Variants in ZNF638 observed in about 807,000 individuals in gnomAD.
The protein encoded by ZNF638 is CTCL tumor antigen se33-1.
A neutral mutation model predicts 195.6 loss-of-function variants in ZNF638; 46 were observed. That is an observed-to-expected ratio of 0.24 (90% CI 0.19 to 0.30). The LOEUF is 0.30. Among genes scored for constraint, ZNF638 ranks in the 10% least tolerant of loss-of-function variants. ZNF638 has a pLI of 1.00. For synonymous variants in ZNF638, 845 were observed against 772.0 expected (o/e 1.09, Z -1.57); for missense variants, 2,440 against 2,325.3 (o/e 1.05, Z -1.01).
intron 10 of ZNF638, among the ~76,000 whole-genome samples, chr2:71,384,752 T>C (rs2079604412): frequency 6.6e-6 from 1 of 152,212 alleles, no homozygotes; most frequent in Non-Finnish European, 1.5e-5. Context: ...TCTTTTTACC[T>C]TTTCAGTTCC....
intron 10 of ZNF638, among the ~76,000 whole-genome samples, chr2:71,388,232 T>A (rs2079685138): frequency 6.6e-6 from 1 of 152,200 alleles, no homozygotes. Flanking sequence ...ACCCTGAGGC[T>A]AAGGGCAAGT....
At chr2:71,383,125 C>G (rs1167984414) in intron 10 of ZNF638, among the ~76,000 whole-genome samples, 1 of 152,110 alleles carries the variant, frequency 6.6e-6, no homozygotes, top group Non-Finnish European at 1.5e-5. Context: ...GAGTTCAAGA[C>G]CAGCCTGGCC....
chr2:71,360,799 CTTAATAG>C (rs1218440978), intron 3 of ZNF638, among the ~76,000 whole-genome samples: 2 of 152,174 alleles, frequency 1.3e-5, no homozygotes, highest in African/African-American at 4.8e-5. Flanking sequence ...GGTCCTTGCT[CTTAATAG>C]TTAATGTTAT....
intron 10 of ZNF638, among the ~76,000 whole-genome samples, chr2:71,384,463 A>G (rs910813840): frequency 1.2e-4 from 19 of 152,162 alleles, no homozygotes; most frequent in Admixed American, 3.3e-4. Context: ...AGTCACTCAG[A>G]ATAGTTTATT....
At chr2:71,383,744 CTT>C (rs911748490) in intron 10 of ZNF638, among the ~76,000 whole-genome samples, 1 of 92,534 alleles carries the variant, frequency 1.1e-5, no homozygotes, top group African/African-American at 4.5e-5. Flanking sequence ...GCTAATTTTT[CTT>C]TTTTTTTTTC....
intron 16 of ZNF638, among the ~76,000 whole-genome samples, 171 bp downstream of exon 16, chr2:71,402,258 G>A (rs1237465236): frequency 6.6e-6 from 1 of 152,092 alleles, no homozygotes; most frequent in African/African-American, 2.4e-5. Context: ...TAGTATTGTT[G>A]TAACGAGACA....
chr2:71,348,423 C>T, intron 1 of ZNF638: 1 of 996,426 alleles, frequency 1.0e-6, no homozygotes, highest in Non-Finnish European at 1.2e-6. Context: ...TTTTTTTTCC[C>T]CAGTATTACA....
At position 71,349,012 on chromosome 2, in the gene ZNF638, C is replaced by G. The variant is rs1166832544; in HGVS notation, c.58C>G (p.Pro20Ala). The part of the protein sequence containing the change: ...GDFPLQRPRA[P>A]NPSGMRPPGP... Reference sequence around the variant, plus strand: ...CTTTCCACTTCAAAGGCCACGAGCACCTAACCCTTCTGGGATGAGGCCTCC... The same window carrying G: ...CTTTCCACTTCAAAGGCCACGAGCAGCTAACCCTTCTGGGATGAGGCCTCC... Residue 20 changes from proline (P) to alanine (A), a missense_variant, in exon 2 of 28, where the codon CCT becomes GCT. Around this residue, in one of 5 missense-constraint regions of ZNF638, gnomAD observed 191 missense variants for 173.8 expected, o/e 1.10. Coordinates refer to ENST00000264447, the MANE Select transcript of ZNF638 (RefSeq NM_014497.5). 1 of 1,614,052 alleles carries G rather than the reference C, an allele frequency of 6.2e-7. No homozygotes were observed. Among genetic ancestry groups the G allele is most frequent in the African/African-American group, 1.3e-5 (1 of 74,914 alleles).
intron 3 of ZNF638, among the ~76,000 whole-genome samples, chr2:71,361,256 A>G (rs1323795425): frequency 6.6e-6 from 1 of 152,202 alleles, no homozygotes; most frequent in Non-Finnish European, 1.5e-5. Flanking sequence ...CTCCACCATT[A>G]TTACCAGCTC....
At chr2:71,396,633 A>T (rs1413911737) in intron 11 of ZNF638, among the ~76,000 whole-genome samples, 1 of 152,092 alleles carries the variant, frequency 6.6e-6, no homozygotes, top group African/African-American at 2.4e-5. Context: ...CTTTAAGTGG[A>T]TAGAAATCAA....
Position 71,426,983 on chromosome 2 carries a change from T to C in ZNF638, c.5114T>C (p.Leu1705Ser), listed in dbSNP as rs373579615. 6.2e-7 allele frequency: 1 copy of C among 1,612,196 alleles called. No homozygotes were observed. The highest frequency in any genetic ancestry group is 8.5e-7 in the Non-Finnish European group (1 of 1,179,344). The change falls in exon 24 of 28, where the codon TTA becomes TCA. Residue 1705 changes from leucine to serine, a missense_variant. Leu to Ser is a moderately radical substitution (Grantham distance 145). Transcript: ENST00000264447. ...TCAGCAGACATAACTTTTGCCACTT[T>C]AAATACTAAAGGAAATGAAGGAGAT... The part of the protein sequence containing the change: ...NESADITFAT[L>S]NTKGNEGDTV...
At chr2:71,405,476 T>TAA in intron 17 of ZNF638, 125 bp from the exon 18 acceptor site, 1 of 618,096 alleles carries the variant, frequency 1.6e-6, no homozygotes, top group Non-Finnish European at 2.8e-6. Flanking sequence ...TTGCTGCTTC[T>TAA]TAATTTTATA....
intron 15 of ZNF638, among the ~76,000 whole-genome samples, chr2:71,400,805 A>G (rs1295124866): frequency 2.0e-5 from 3 of 152,184 alleles, no homozygotes; most frequent in East Asian, 3.8e-4. Flanking sequence ...TTTTGGGTAG[A>G]CAGTAGTTGG....
intron 10 of ZNF638, among the ~76,000 whole-genome samples, chr2:71,393,010 A>G (rs944234281): frequency 6.6e-6 from 1 of 152,224 alleles, no homozygotes; most frequent in Non-Finnish European, 1.5e-5. Flanking sequence ...CACAAAAATT[A>G]AAACTGATAA....
intron 1 of ZNF638, among the ~76,000 whole-genome samples, chr2:71,345,881 C>G (rs1321634736): frequency 2.0e-5 from 3 of 152,196 alleles, no homozygotes; most frequent in African/African-American, 7.2e-5. Flanking sequence ...TTCAAACTTT[C>G]TTGGCCAGGC....
chr2:71,373,058 C>T lies in ZNF638; in HGVS notation c.2265+3053C>T, dbSNP rs371250538. On this transcript the variant is annotated intron_variant, in intron 8 of 27. Coordinates refer to ENST00000264447, the MANE Select transcript of ZNF638 (RefSeq NM_014497.5). Reference sequence around the variant, plus strand: ...AATGGAATGGTTGGTTTATAGGATGCACAGTAATGGATAATATAAGATTGC... The same window carrying T: ...AATGGAATGGTTGGTTTATAGGATGTACAGTAATGGATAATATAAGATTGC... Among the ~76,000 whole-genome samples, 6 of 152,066 alleles carry T rather than the reference C, an allele frequency of 3.9e-5. No individual in the cohort carries two copies. In the South Asian group the frequency reaches 8.3e-4, roughly 21 times the overall value.
chr2:71,408,416 A>T (rs1036162206), intron 20 of ZNF638, 169 bp downstream of exon 20: 2 of 824,412 alleles, frequency 2.4e-6, no homozygotes, highest in Non-Finnish European at 3.6e-6. Context: ...AAATTTGTCT[A>T]AATGAGAATA....
At chr2:71,374,304 T>G (rs17693250) in intron 8 of ZNF638, among the ~76,000 whole-genome samples, 71,094 of 152,074 alleles carry the variant, frequency 0.47, 18,494 homozygotes, top group Admixed American at 0.6. Context: ...TTGAAAAGCT[T>G]CTTTTATGTG....
intron 10 of ZNF638, among the ~76,000 whole-genome samples, chr2:71,382,671 T>C (rs2079554300): frequency 6.6e-6 from 1 of 152,186 alleles, no homozygotes; most frequent in Admixed American, 6.5e-5. Flanking sequence ...GTGGACCAAA[T>C]AGGCATGGCT....
Sources: allele counts gnomAD v4.1 joint callset (sites outside exome capture counted in the v4.1 genomes callset), GRCh38; gene constraint gnomAD v4.1.1; regional missense constraint gnomAD v4.1.1; transcripts MANE v1.5; gene names NCBI Gene and HGNC (gene_info 2026-07-23, HGNC 2026-07-21).